Variants in TDRP observed in about 807,000 individuals in gnomAD.
TDRP encodes testis development related protein, also known as testis development-related protein.
A neutral mutation model predicts 10.5 loss-of-function variants in TDRP; 12 were observed. The ratio of observed to expected loss-of-function variants is 1.15; its 90% CI spans 0.73 to 1.86. The LOEUF is 1.86. Ranked by LOEUF, TDRP falls within the 40% of genes most tolerant of loss-of-function variation. The pLI is 0.00. For missense variants in TDRP, 353 were observed against 229.2 expected (o/e 1.54, Z -3.49); for synonymous variants, 139 against 95.4 (o/e 1.46, Z -2.67).
At chr8:493,999 T>G (rs1177282086) in intron 2 of TDRP, among the ~76,000 whole-genome samples, 2 of 148,428 alleles carry the variant, frequency 1.3e-5, no homozygotes, top group East Asian at 3.9e-4. Flanking sequence ...TGTTGTTTTT[T>G]TTTTTTTTTT....
intron 1 of TDRP, among the ~76,000 whole-genome samples, chr8:513,127 A>AAT (rs1801662671): frequency 3.3e-5 from 5 of 151,554 alleles, no homozygotes; most frequent in Admixed American, 2.0e-4. Context: ...AAAAAAATAG[A>AAT]AGAGCAAGGA....
chr8:528,829 A>G (rs546758350), intron 1 of TDRP, among the ~76,000 whole-genome samples: 1 of 150,640 alleles, frequency 6.6e-6, no homozygotes, highest in South Asian at 2.1e-4. Flanking sequence ...ATATGTGTGT[A>G]TATATGTGTG....
chr8:525,631 A>G (rs186000613), intron 1 of TDRP, among the ~76,000 whole-genome samples: 10 of 152,330 alleles, frequency 6.6e-5, no homozygotes, highest in East Asian at 1.9e-4. Context: ...TCAGTTTACA[A>G]TAATGGGTTA....
chr8:492,737 A>G lies in TDRP; in HGVS notation c.220T>C (p.Leu74=). 1 of 1,610,180 alleles carries G rather than the reference A, an allele frequency of 6.2e-7. No individual in the cohort carries two copies. Among genetic ancestry groups the G allele is most frequent in the Non-Finnish European group, 8.5e-7 (1 of 1,177,882 alleles). Residue 74 remains leucine, a synonymous_variant, in exon 3 of 3, where the codon TTA becomes CTA. Transcript: ENST00000324079. The stretch of plus-strand genomic sequence containing the variant: ...GCCTTCAACTCTTCTTTTAATCGTA[A>G]GTTAGTTCTATAGGAGATGAAAGAG... The part of the protein sequence containing the change: ...CKSPKSKGTN[L]RLKEELKAEK...
At chr8:503,864 C>G (rs763229929) in intron 1 of TDRP, among the ~76,000 whole-genome samples, 4 of 146,834 alleles carry the variant, frequency 2.7e-5, no homozygotes, top group African/African-American at 1.0e-4. Context: ...TCTGCACACA[C>G]CAACACGGAA....
intron 1 of TDRP, among the ~76,000 whole-genome samples, chr8:512,256 TACAACA>T (rs200483453): frequency 6.6e-6 from 1 of 150,934 alleles, no homozygotes; most frequent in Non-Finnish European, 1.5e-5. Context: ...ACCCCTTCTC[TACAACA>T]ACAACAACAA....
intron 1 of TDRP, among the ~76,000 whole-genome samples, chr8:527,321 G>A (rs1374450347): frequency 6.6e-6 from 1 of 151,982 alleles, no homozygotes; most frequent in Non-Finnish European, 1.5e-5. Context: ...AGTCACTATT[G>A]TTAAAATATC....
chr8:515,332 T>A (rs1167597810), intron 1 of TDRP, among the ~76,000 whole-genome samples: 1 of 152,214 alleles, frequency 6.6e-6, no homozygotes, highest in Non-Finnish European at 1.5e-5. Flanking sequence ...AGTATATACA[T>A]TATGCATGTA....
intron 1 of TDRP, among the ~76,000 whole-genome samples, chr8:516,739 C>T (rs1376707751): frequency 1.3e-5 from 2 of 152,194 alleles, no homozygotes; most frequent in Non-Finnish European, 2.9e-5. Flanking sequence ...CCGGCAATCA[C>T]GGTTCTATTT....
intron 1 of TDRP, among the ~76,000 whole-genome samples, chr8:506,191 C>T (rs928179664): frequency 6.6e-6 from 1 of 152,208 alleles, no homozygotes; most frequent in Non-Finnish European, 1.5e-5. Flanking sequence ...AAAAAACACA[C>T]ATAGGATCTC....
chr8:502,148 G>C (rs1389024088), intron 1 of TDRP, among the ~76,000 whole-genome samples: 3 of 152,224 alleles, frequency 2.0e-5, no homozygotes. Context: ...AACAGGCTAA[G>C]GTTTCAATTA....
chr8:492,441 C>T lies in TDRP; in HGVS notation c.516G>A (p.Gln172=), dbSNP rs747551993. 5 of 1,587,104 alleles carry T rather than the reference C, an allele frequency of 3.2e-6. No homozygotes were observed. The highest frequency in any genetic ancestry group is 4.3e-6 in the Non-Finnish European group (5 of 1,162,686). The change falls in exon 3 of 3, where the codon CAG becomes CAA. Residue 172 remains glutamine, a synonymous_variant. Transcript: ENST00000324079. The part of the protein sequence containing the change: ...AAGRLVSIRR[Q]SKGHLTDSPE... ...GGCTATCTGTCAGGTGGCCTTTACT[C>T]TGCCGTCGGATGCTCACCAGCCTCC...
chr8:540,323 T>C (rs1483497705), intron 1 of TDRP, among the ~76,000 whole-genome samples: 1 of 152,160 alleles, frequency 6.6e-6, no homozygotes, highest in African/African-American at 2.4e-5. Context: ...ATGAGACACA[T>C]ATTATGAAGG....
At chr8:516,376 G>C (rs115655167) in intron 1 of TDRP, among the ~76,000 whole-genome samples, 64 of 152,302 alleles carry the variant, frequency 4.2e-4, no homozygotes, top group African/African-American at 1.4e-3. Context: ...TCTGATAAAG[G>C]ATTGTTGTCC....
intron 2 of TDRP, among the ~76,000 whole-genome samples, chr8:493,589 C>T (rs1047028693): frequency 3.9e-5 from 6 of 152,252 alleles, no homozygotes; most frequent in African/African-American, 1.2e-4. Flanking sequence ...TAACACGGAG[C>T]AAATATGCCA....
Position 532,383 on chromosome 8 carries a change from C to G in TDRP, c.108+12267G>C, listed in dbSNP as rs536177213. Among the ~76,000 whole-genome samples the G allele has an allele frequency of 1.2e-4, 18 of 152,310 alleles. No individual in the cohort carries two copies. The South Asian group carries it at 3.7e-3, about 32-fold the overall frequency. On this transcript the variant is annotated intron_variant, in intron 1 of 2. Transcript: ENST00000324079. Reference sequence around the variant, plus strand: ...GGGCACATATTAGCCCCCAGGCTCCCTAGCAAGATGATGAACCCATCACAC... The same window carrying G: ...GGGCACATATTAGCCCCCAGGCTCCGTAGCAAGATGATGAACCCATCACAC...
At position 504,323 on chromosome 8, in the gene TDRP, G is replaced by C. The variant is rs190099688; in HGVS notation, c.109-9726C>G. On this transcript the variant is annotated intron_variant, in intron 1 of 2. Transcript: ENST00000324079. ...CTTGTGTTTCCTTTGATATGCTCCA[G>C]ACAGCATGTTTTGGGTAGTGTTTTC... 2.4e-3 allele frequency among the ~76,000 whole-genome samples: 370 copies of C among 152,328 alleles called. 1 individual carries two copies. The highest frequency in any genetic ancestry group is 4.6e-3 in the Non-Finnish European group (316 of 68,032).
chr8:504,797 G>A (rs999141512), intron 1 of TDRP, among the ~76,000 whole-genome samples: 1 of 152,152 alleles, frequency 6.6e-6, no homozygotes, highest in Non-Finnish European at 1.5e-5. Flanking sequence ...AACAGTCATC[G>A]AGACAAATGA....
Position 499,220 on chromosome 8 carries a change from C to G in TDRP, c.109-4623G>C, listed in dbSNP as rs115978501. On this transcript the variant is annotated intron_variant, in intron 1 of 2. Coordinates refer to ENST00000324079, the MANE Select transcript of TDRP (RefSeq NM_001384899.1). ...TAGTCTCTAGTTTATGAACTTCAAA[C>G]AACGTTTTTGTTTTGTTTTGTTTTG... 7.6e-3 allele frequency among the ~76,000 whole-genome samples: 1,136 copies of G among 148,728 alleles called. 12 individuals carry two copies. The highest frequency in any genetic ancestry group is 0.027 in the African/African-American group (1,059 of 39,268).
Sources: gnomAD v4.1 joint callset for allele counts (sites outside exome capture counted in the v4.1 genomes callset) on GRCh38, gnomAD v4.1.1 for gene constraint, MANE v1.5 for transcripts, NCBI Gene and HGNC (gene_info 2026-07-23, HGNC 2026-07-21) for gene names.